ATXN1: variants seen among roughly 807,000 people sequenced by gnomAD.
ATXN1 encodes ataxin 1, also known as ataxin-1.
In ATXN1, 8 loss-of-function variants were observed where a neutral mutation model predicts 56.4. That is an observed-to-expected ratio of 0.14 (90% CI 0.08 to 0.26). ATXN1 has a LOEUF of 0.26. Ranked by LOEUF, ATXN1 falls within the 10% of genes least tolerant of loss-of-function variation. The pLI, the probability that ATXN1 is intolerant of heterozygous loss-of-function variation, is 1.00. For synonymous variants in ATXN1, 514 were observed against 494.6 expected, an observed-to-expected ratio of 1.04 and a Z score of -0.52; for missense variants, 987 against 1,106.5, an observed-to-expected ratio of 0.89 and a Z score of 1.53.
chr6:16,302,414 G>A lies in ATXN1; in HGVS notation c.*3915C>T, dbSNP rs945484130. 1 of 152,608 alleles carries A rather than the reference G, an allele frequency of 6.6e-6. No individual in the cohort carries two copies. Among genetic ancestry groups the A allele is most frequent in the African/African-American group, 2.4e-5 (1 of 41,430 alleles). 9.5% of individuals were successfully genotyped at this position (152,608 alleles called of 1,614,324 possible). ...AATCATCCCAAACTAAACTGGGTGA[G>A]TTAGGGAAAACGAAAAGTTGACCAA... is the stretch of plus-strand genomic sequence containing the variant. On this transcript the variant is annotated 3_prime_UTR_variant, in exon 8 of 8. Coordinates refer to ENST00000436367, the MANE Select transcript of ATXN1 (RefSeq NM_001128164.2).
chr6:16,589,770 A>C (rs1049477983), intron 3 of ATXN1, among the ~76,000 whole-genome samples: 2 of 152,232 alleles, frequency 1.3e-5, no homozygotes, highest in Non-Finnish European at 2.9e-5. Flanking sequence ...GTAAAATGTA[A>C]CAGTTTTATT....
chr6:16,750,838 G>A lies in ATXN1; in HGVS notation c.-615+2395C>T, dbSNP rs77861873. Among the ~76,000 whole-genome samples, 131 of 152,112 alleles carry A rather than the reference G, an allele frequency of 8.6e-4. 2 individuals carry two copies. In the East Asian group the frequency reaches 0.018, roughly 21 times the overall value. ...AAATGCACGTGTACTCAACCCATTT[G>A]CAATTAAACTATTTCCCCAAAGATC... On this transcript the variant is annotated intron_variant, in intron 2 of 7. Coordinates refer to ENST00000436367, the MANE Select transcript of ATXN1 (RefSeq NM_001128164.2).
At chr6:16,322,297 T>C (rs1048401605) in intron 7 of ATXN1, among the ~76,000 whole-genome samples, 1 of 151,426 alleles carries the variant, frequency 6.6e-6, no homozygotes, top group African/African-American at 2.4e-5. Context: ...GAGAGGAGAG[T>C]GCTGCAGCTC....
intron 5 of ATXN1, among the ~76,000 whole-genome samples, chr6:16,512,429 C>T (rs1021260927): frequency 7.2e-5 from 11 of 152,190 alleles, no homozygotes; most frequent in African/African-American, 2.7e-4. Flanking sequence ...AAAGTCATTG[C>T]TGTGTTTACT....
At chr6:16,726,380 CAAAAA>C (rs10716233) in intron 2 of ATXN1, among the ~76,000 whole-genome samples, 2 of 124,242 alleles carry the variant, frequency 1.6e-5, no homozygotes, top group Non-Finnish European at 3.4e-5. Context: ...GACTCTGTCT[CAAAAA>C]AAAAAAAAAA....
chr6:16,644,229 A>G (rs187587887), intron 3 of ATXN1, among the ~76,000 whole-genome samples: 1 of 152,316 alleles, frequency 6.6e-6, no homozygotes, highest in Admixed American at 6.5e-5. Context: ...TACACTTAAA[A>G]ATGGTTAAAC....
At chr6:16,391,786 T>G (rs181585459) in intron 6 of ATXN1, among the ~76,000 whole-genome samples, 23 of 152,314 alleles carry the variant, frequency 1.5e-4, no homozygotes, top group African/African-American at 4.1e-4. Context: ...GGTGGATGAC[T>G]ACAGGGCTTT....
chr6:16,558,854 A>G lies in ATXN1; in HGVS notation c.-361+26926T>C, dbSNP rs144791460. Among the ~76,000 whole-genome samples, 166 of 152,320 alleles carry G rather than the reference A, an allele frequency of 1.1e-3. 1 individual carries two copies. Among genetic ancestry groups the G allele is most frequent in the African/African-American group, 3.8e-3 (160 of 41,574 alleles). The stretch of plus-strand genomic sequence containing the variant: ...AAACATAAAGTCAAAAGACAAACGG[A>G]AAAATTTAAACTAAAATAGCATAAG... On this transcript the variant is annotated intron_variant, in intron 4 of 7. Transcript: ENST00000436367.
At chr6:16,373,642 G>A (rs753059124) in intron 6 of ATXN1, among the ~76,000 whole-genome samples, 3 of 152,158 alleles carry the variant, frequency 2.0e-5, no homozygotes, top group Admixed American at 6.5e-5. Context: ...TACTGTTCTC[G>A]TGGTAGTGAA....
intron 6 of ATXN1, among the ~76,000 whole-genome samples, chr6:16,440,347 C>G (rs1303674552): frequency 2.0e-5 from 3 of 150,906 alleles, no homozygotes; most frequent in African/African-American, 7.3e-5. Flanking sequence ...TAAAGGAACA[C>G]TAATCCCAAT....
intron 7 of ATXN1, among the ~76,000 whole-genome samples, chr6:16,317,685 C>T (rs61689184): frequency 0.059 from 9,046 of 152,084 alleles, 665 homozygotes; most frequent in East Asian, 0.39. Flanking sequence ...GATGCCCTGT[C>T]GCCAGCACCT....
chr6:16,650,621 G>A (rs1169628647), intron 3 of ATXN1, among the ~76,000 whole-genome samples: 20 of 152,180 alleles, frequency 1.3e-4, no homozygotes, highest in Non-Finnish European at 2.9e-5. Context: ...CATATTTTAA[G>A]TTTGGCCTAA....
At chr6:16,417,800 G>A (rs938932340) in intron 6 of ATXN1, among the ~76,000 whole-genome samples, 11 of 151,918 alleles carry the variant, frequency 7.2e-5, no homozygotes, top group African/African-American at 2.7e-4. Flanking sequence ...CTCACTCCCA[G>A]ACAACTGATG....
intron 2 of ATXN1, among the ~76,000 whole-genome samples, chr6:16,713,395 T>C (rs1759567823): frequency 1.3e-5 from 2 of 152,182 alleles, no homozygotes; most frequent in Admixed American, 1.3e-4. Flanking sequence ...CATTGGCCTC[T>C]GGGGGCGTAT....
rs192127649 is a variant in ATXN1 at position 16,620,038 on chromosome 6, T to A, written c.-488-34131A>T. 1.1e-4 allele frequency among the ~76,000 whole-genome samples: 17 copies of A among 152,274 alleles called. No homozygotes were observed. The East Asian group carries it at 3.3e-3, about 29-fold the overall frequency. On this transcript the variant is annotated intron_variant, in intron 3 of 7. Coordinates refer to ENST00000436367, the MANE Select transcript of ATXN1 (RefSeq NM_001128164.2). ...GCTGCTGTGGCAATTGAATTTTACATGTATGTAAAGCACTTAGTACAGCAT... is the reference window on the plus strand; with the variant it reads ...GCTGCTGTGGCAATTGAATTTTACAAGTATGTAAAGCACTTAGTACAGCAT...
At chr6:16,426,858 C>A (rs1439668278) in intron 6 of ATXN1, among the ~76,000 whole-genome samples, 3 of 145,206 alleles carry the variant, frequency 2.1e-5, no homozygotes, top group African/African-American at 7.6e-5. Flanking sequence ...ACTATAAGAT[C>A]CAAAAACTGG....
chr6:16,399,866 GA>G, intron 6 of ATXN1, among the ~76,000 whole-genome samples: 1 of 152,196 alleles, frequency 6.6e-6, no homozygotes, highest in Non-Finnish European at 1.5e-5. Context: ...AAGGGAAGCA[GA>G]AAAGATCAGC....
intron 6 of ATXN1, among the ~76,000 whole-genome samples, chr6:16,430,378 C>T (rs1358741929): frequency 6.6e-6 from 1 of 151,138 alleles, no homozygotes; most frequent in African/African-American, 2.4e-5. Context: ...CACCGTACTG[C>T]GACCACTAGT....
chr6:16,595,184 G>A (rs1581869777), intron 3 of ATXN1, among the ~76,000 whole-genome samples: 1 of 152,196 alleles, frequency 6.6e-6, no homozygotes, highest in Non-Finnish European at 1.5e-5. Context: ...AGAGAGGGCT[G>A]ATTAGATGGG....
Sources: gnomAD v4.1 joint callset for allele counts (sites outside exome capture counted in the v4.1 genomes callset) on GRCh38, gnomAD v4.1.1 for gene constraint, MANE v1.5 for transcripts, NCBI Gene and HGNC (gene_info 2026-07-23, HGNC 2026-07-21) for gene names.